Variants in SYTL2 observed in about 807,000 individuals in gnomAD.
The protein encoded by SYTL2 is synaptotagmin like 2.
Under a neutral mutation model 198.7 loss-of-function variants are expected in SYTL2, and 165 were observed. The observed-to-expected ratio is 0.83, with a 90% CI of 0.73 to 0.94. The LOEUF is 0.94. SYTL2 is among the 40% of genes least tolerant of loss of function. The pLI is 0.00. For synonymous variants in SYTL2, 966 were observed against 917.7 expected (o/e 1.05, Z -0.95); for missense variants, 2,835 against 2,582.8 (o/e 1.10, Z -2.12).
At chr11:85,822,228 G>C in the SYTL2 span, among the ~76,000 whole-genome samples, 1 of 152,314 alleles carries the variant, frequency 6.6e-6, no homozygotes, top group South Asian at 2.1e-4. Context: ...GGTGTAAGCA[G>C]ACTACCAGAT....
intron 12 of SYTL2, among the ~76,000 whole-genome samples, chr11:85,711,862 A>G (rs569790636): frequency 1.3e-5 from 2 of 152,308 alleles, no homozygotes; most frequent in African/African-American, 2.4e-5. Flanking sequence ...TAAATTATAC[A>G]TTCTACCCAC....
chr11:85,800,548 A>G (rs890496598), intron 1 of SYTL2, among the ~76,000 whole-genome samples: 1 of 152,068 alleles, frequency 6.6e-6, no homozygotes, highest in Non-Finnish European at 1.5e-5. Flanking sequence ...CAAACTGCTG[A>G]GATTACAGGA....
At chr11:85,783,075 G>A (rs1371941085) in intron 1 of SYTL2, among the ~76,000 whole-genome samples, 1 of 152,072 alleles carries the variant, frequency 6.6e-6, no homozygotes, top group Non-Finnish European at 1.5e-5. Context: ...CCAAATCACT[G>A]TATTAGTCCA....
chr11:85,748,261 A>G lies in SYTL2; in HGVS notation c.253+11T>C. ...ATGCTTGTTGTAAATGCACTAGCCA[A>G]GTCAACTCACCTGCTATCTGGGGCC... On this transcript the variant is annotated intron_variant, in intron 3 of 19. Coordinates refer to ENST00000359152, the MANE Select transcript of SYTL2 (RefSeq NM_206927.4). 1.2e-6 allele frequency: 2 copies of G among 1,610,330 alleles called. No homozygotes were observed. The highest frequency in any genetic ancestry group is 1.7e-6 in the Non-Finnish European group (2 of 1,177,328).
chr11:85,832,802 G>C, the SYTL2 span, among the ~76,000 whole-genome samples: 1 of 151,138 alleles, frequency 6.6e-6, no homozygotes. Context: ...GACCAGCCTG[G>C]GCAACATAGT....
chr11:85,738,743 T>C (rs2153503077), intron 4 of SYTL2, among the ~76,000 whole-genome samples: 1 of 152,346 alleles, frequency 6.6e-6, no homozygotes, highest in Middle Eastern at 3.4e-3. Flanking sequence ...TCTCAGAGTG[T>C]TCTGCATAAT....
the SYTL2 span, among the ~76,000 whole-genome samples, chr11:85,831,299 G>A: frequency 1.3e-5 from 2 of 152,190 alleles, no homozygotes. Context: ...AAAAGCACCT[G>A]CCAACTTTGA....
intron 1 of SYTL2, among the ~76,000 whole-genome samples, chr11:85,796,883 C>T (rs756272520): frequency 6.6e-6 from 1 of 152,112 alleles, no homozygotes; most frequent in Non-Finnish European, 1.5e-5. Flanking sequence ...CTTATATTTC[C>T]CAGGATCTAG....
chr11:85,740,466 C>G (rs1368204250), intron 4 of SYTL2, among the ~76,000 whole-genome samples: 1 of 152,136 alleles, frequency 6.6e-6, no homozygotes, highest in African/African-American at 2.4e-5. Flanking sequence ...TAGGAATTTC[C>G]TTTCTTCCTG....
At chr11:85,822,653 TGGGATAGA>T in the SYTL2 span, among the ~76,000 whole-genome samples, 2 of 152,220 alleles carry the variant, frequency 1.3e-5, no homozygotes, top group African/African-American at 4.8e-5. Context: ...GTGCTCAGAT[TGGGATAGA>T]TCTGGCCATT....
chr11:85,825,632 A>G, the SYTL2 span, among the ~76,000 whole-genome samples: 36 of 152,338 alleles, frequency 2.4e-4, no homozygotes, highest in African/African-American at 8.2e-4. Flanking sequence ...ATCCACAACT[A>G]AAGTGTTAGG....
intron 4 of SYTL2, among the ~76,000 whole-genome samples, chr11:85,744,242 T>C (rs933519471): frequency 6.6e-6 from 1 of 152,182 alleles, no homozygotes; most frequent in East Asian, 1.9e-4. Flanking sequence ...GGGAATTCTA[T>C]ATTCACTGGC....
intron 4 of SYTL2, among the ~76,000 whole-genome samples, chr11:85,745,088 C>T (rs954771785): frequency 2.0e-5 from 3 of 152,178 alleles, no homozygotes; most frequent in African/African-American, 7.2e-5. Flanking sequence ...ATCACTAATT[C>T]TTGCCATAGC....
chr11:85,697,471 T>C lies in SYTL2; in HGVS notation c.6368+508A>G, dbSNP rs2083567039. On this transcript the variant is annotated intron_variant, in intron 18 of 19. Coordinates refer to ENST00000359152, the MANE Select transcript of SYTL2 (RefSeq NM_206927.4). ...TATTTACTAGATGCCAGTCACTTTATATGTATAACAGAGAGAAGAGTTTGC... is the reference window on the plus strand; with the variant it reads ...TATTTACTAGATGCCAGTCACTTTACATGTATAACAGAGAGAAGAGTTTGC... Among the ~76,000 whole-genome samples, 3 of 152,382 alleles carry C rather than the reference T, an allele frequency of 2.0e-5. No individual in the cohort carries two copies. The South Asian group carries it at 6.2e-4, about 32-fold the overall frequency.
intron 14 of SYTL2, chr11:85,707,965 A>AAG (rs1217058622): frequency 4.3e-6 from 1 of 235,234 alleles, no homozygotes; most frequent in Non-Finnish European, 8.4e-6. Context: ...TCAAAAAAAA[A>AAG]AAAAAAAAAA....
chr11:85,790,897 C>T (rs576038945), intron 1 of SYTL2, among the ~76,000 whole-genome samples: 1 of 152,162 alleles, frequency 6.6e-6, no homozygotes, highest in African/African-American at 2.4e-5. Context: ...GGCGTGGTGG[C>T]TCATGTCTGT....
the SYTL2 span, among the ~76,000 whole-genome samples, chr11:85,825,789 G>C: frequency 6.6e-6 from 1 of 152,210 alleles, no homozygotes; most frequent in African/African-American, 2.4e-5. Context: ...TTTCCCGTTA[G>C]TGTAATCTTT....
intron 12 of SYTL2, among the ~76,000 whole-genome samples, chr11:85,712,804 C>T (rs574178178): frequency 1.3e-5 from 2 of 152,008 alleles, no homozygotes; most frequent in Non-Finnish European, 2.9e-5. Flanking sequence ...ACAGCCTCTG[C>T]CTCCCGGGTT....
rs752770152 is a variant in SYTL2, at chr11:85,724,431, C to T, written c.4927G>A (p.Ala1643Thr). ...NQCDKMLGGD[A>T]LVTDLLVDFC... is the part of the protein sequence containing the mutation. ...TCTACCAATAAATCAGTCACAAGTG[C>T]GTCTCCTCCCAACATTTTATCACAT... is the stretch of plus-strand genomic sequence containing the variant. Residue 1643 changes from alanine (A) to threonine (T), a missense_variant, in exon 8 of 20, where the codon GCA becomes ACA. By Grantham distance (58) the Ala-to-Thr change is moderately conservative. Coordinates refer to ENST00000359152, the MANE Select transcript of SYTL2 (RefSeq NM_206927.4). 161 of 1,608,934 alleles carry T rather than the reference C, an allele frequency of 1.0e-4. 2 individuals are homozygous for T. The South Asian group carries it at 1.6e-3, about 16-fold the overall frequency.
Sources: gnomAD v4.1 joint callset for allele counts (sites outside exome capture counted in the v4.1 genomes callset) on GRCh38, gnomAD v4.1.1 for gene constraint, MANE v1.5 for transcripts, NCBI Gene and HGNC (gene_info 2026-07-23, HGNC 2026-07-21) for gene names.